The following GRIK1 variants were observed in gnomAD, a reference collection of about 807,000 sequenced individuals.
GRIK1 encodes glutamate receptor ionotropic, kainate 1.
GRIK1 carries 69 observed loss-of-function variants against 105.7 expected under a neutral mutation model. The ratio of observed to expected loss-of-function variants is 0.65; its 90% CI spans 0.54 to 0.80. GRIK1 has a LOEUF of 0.80. GRIK1 is among the 30% of genes least tolerant of loss of function. The pLI is 0.00. For synonymous variants in GRIK1, 438 were observed against 431.3 expected (o/e 1.02, Z -0.19); for missense variants, 1,109 against 1,167.3 (o/e 0.95, Z 0.73).
chr21:29,912,599 T>C (rs975296309), intron 1 of GRIK1, among the ~76,000 whole-genome samples: 10 of 152,108 alleles, frequency 6.6e-5, no homozygotes, highest in Non-Finnish European at 1.5e-4. Flanking sequence ...AGCACTATTT[T>C]TGTGACATTT....
chr21:29,756,110 G>A (rs112520875), intron 1 of GRIK1, among the ~76,000 whole-genome samples: 2 of 152,210 alleles, frequency 1.3e-5, no homozygotes, highest in African/African-American at 2.4e-5. Context: ...GGCCGGGCGC[G>A]GTGGCTCACG....
intron 1 of GRIK1, among the ~76,000 whole-genome samples, chr21:29,772,792 T>C (rs1280572385): frequency 6.6e-6 from 1 of 152,232 alleles, no homozygotes; most frequent in African/African-American, 2.4e-5. Flanking sequence ...GCCCATTTTC[T>C]TCACCACTTA....
At chr21:29,931,058 C>T (rs1169164125) in intron 1 of GRIK1, among the ~76,000 whole-genome samples, 1 of 152,194 alleles carries the variant, frequency 6.6e-6, no homozygotes. Flanking sequence ...ACCAAGTTCA[C>T]ATGTACTCCA....
chr21:29,642,218 A>G (rs1264940946), intron 7 of GRIK1, among the ~76,000 whole-genome samples: 1 of 152,164 alleles, frequency 6.6e-6, no homozygotes, highest in Non-Finnish European at 1.5e-5. Context: ...TGCCTCAGAG[A>G]AAAGAAAAGG....
intron 15 of GRIK1, among the ~76,000 whole-genome samples, chr21:29,556,644 G>A (rs1397536935): frequency 6.6e-6 from 1 of 152,100 alleles, no homozygotes; most frequent in Non-Finnish European, 1.5e-5. Context: ...CTAGCCAATA[G>A]GAACTAAGAT....
At chr21:29,611,267 G>T (rs1207682278) in intron 7 of GRIK1, among the ~76,000 whole-genome samples, 1 of 152,134 alleles carries the variant, frequency 6.6e-6, no homozygotes, top group Non-Finnish European at 1.5e-5. Flanking sequence ...GTTCAACAGA[G>T]ACCTAACTGA....
intron 1 of GRIK1, among the ~76,000 whole-genome samples, chr21:29,852,460 A>T (rs748849319): frequency 3.9e-5 from 6 of 152,080 alleles, no homozygotes; most frequent in Non-Finnish European, 8.8e-5. Context: ...TTCCAGCTAA[A>T]CTTCAATGGC....
chr21:29,600,665 G>A (rs139354143), intron 7 of GRIK1, among the ~76,000 whole-genome samples: 2 of 152,318 alleles, frequency 1.3e-5, no homozygotes, highest in East Asian at 3.9e-4. Flanking sequence ...GCAGAGCAAT[G>A]CAGTGAATTT....
chr21:29,802,538 G>T (rs1299986938), intron 1 of GRIK1, among the ~76,000 whole-genome samples: 2 of 151,988 alleles, frequency 1.3e-5, no homozygotes, highest in Non-Finnish European at 2.9e-5. Context: ...TTTTTGTCTG[G>T]ATCTCATCAT....
chr21:29,790,398 T>C (rs1402242915), intron 1 of GRIK1, among the ~76,000 whole-genome samples: 3 of 152,110 alleles, frequency 2.0e-5, no homozygotes, highest in Non-Finnish European at 4.4e-5. Flanking sequence ...GAAGGCCCAA[T>C]AAATGATACA....
intron 1 of GRIK1, among the ~76,000 whole-genome samples, chr21:29,825,590 A>G (rs1344241572): frequency 6.6e-6 from 1 of 152,054 alleles, no homozygotes; most frequent in Non-Finnish European, 1.5e-5. Context: ...ATGCAGCTAC[A>G]TTTGATCATG....
At chr21:29,589,356 A>G (rs1254738926) in intron 10 of GRIK1, among the ~76,000 whole-genome samples, 1 of 151,720 alleles carries the variant, frequency 6.6e-6, no homozygotes, top group Non-Finnish European at 1.5e-5. Flanking sequence ...GCAAAGGGAA[A>G]TGGGGGCCCA....
At chr21:29,595,029 C>T (rs576904870) in intron 9 of GRIK1, among the ~76,000 whole-genome samples, 2 of 152,104 alleles carry the variant, frequency 1.3e-5, no homozygotes, top group East Asian at 1.9e-4. Flanking sequence ...CTGAGTGGGT[C>T]GCCTGTGCTA....
At chr21:29,767,356 T>G (rs1337011941) in intron 1 of GRIK1, among the ~76,000 whole-genome samples, 8 of 152,180 alleles carry the variant, frequency 5.3e-5, no homozygotes, top group African/African-American at 1.9e-4. Flanking sequence ...GGATCTGCAA[T>G]AATAATGGAA....
At chr21:29,915,945 C>T (rs930150913) in intron 1 of GRIK1, among the ~76,000 whole-genome samples, 1 of 151,966 alleles carries the variant, frequency 6.6e-6, no homozygotes, top group Non-Finnish European at 1.5e-5. Context: ...CTCATTAAAA[C>T]CTCATGATAT....
chr21:29,819,703 A>G (rs1311820775), intron 1 of GRIK1, among the ~76,000 whole-genome samples: 2 of 152,070 alleles, frequency 1.3e-5, no homozygotes, highest in African/African-American at 2.4e-5. Flanking sequence ...TCTAACAGCA[A>G]TTGTGAGGAC....
intron 1 of GRIK1, among the ~76,000 whole-genome samples, chr21:29,901,467 C>A (rs1009437802): frequency 6.6e-6 from 1 of 152,016 alleles, no homozygotes; most frequent in African/African-American, 2.4e-5. Flanking sequence ...GGGGATATCA[C>A]CACCGATCCC....
At chr21:29,855,926 G>A (rs946444317) in intron 1 of GRIK1, among the ~76,000 whole-genome samples, 1 of 152,178 alleles carries the variant, frequency 6.6e-6, no homozygotes, top group African/African-American at 2.4e-5. Context: ...GAACAACTGG[G>A]TGGTTTGAGG....
At chr21:29,768,509 A>G (rs1285755511) in intron 1 of GRIK1, among the ~76,000 whole-genome samples, 1 of 152,146 alleles carries the variant, frequency 6.6e-6, no homozygotes, top group Non-Finnish European at 1.5e-5. Context: ...GAGCCTTCTG[A>G]ATGGTGTCTC....
Sources: allele counts gnomAD v4.1 joint callset (sites outside exome capture counted in the v4.1 genomes callset), GRCh38; gene constraint gnomAD v4.1.1; transcripts MANE v1.5; gene names NCBI Gene and HGNC (gene_info 2026-07-23, HGNC 2026-07-21).